IL1RL2: variants seen among roughly 807,000 people sequenced by gnomAD.
IL1RL2 encodes the protein interleukin 1 receptor like 2, also known as interleukin-1 receptor-like 2.
In IL1RL2, 68 loss-of-function variants were observed where a neutral mutation model predicts 66.8. The ratio of observed to expected loss-of-function variants is 1.02; its 90% CI spans 0.84 to 1.25. The LOEUF (loss-of-function observed/expected upper bound fraction) is 1.25. Among genes scored for constraint, IL1RL2 ranks in the 50% most tolerant of loss-of-function variants. The probability of loss-of-function intolerance (pLI) is 0.00; values close to 1 mark genes in which losing one functional copy is unlikely to be tolerated. For synonymous variants in IL1RL2, 305 were observed against 264.6 expected (o/e 1.15, Z -1.48); for missense variants, 729 against 709.3 (o/e 1.03, Z -0.32).
chr2:102,189,245 C>G lies in IL1RL2; in HGVS notation c.228C>G (p.Asp76Glu). Reference protein sequence around the residue: ...SKIIQSRIHQDETWILFLPME... With the variant: ...SKIIQSRIHQEETWILFLPME... ...TCATACAGTCTAGAATTCACCAGGA[C>G]GAGACTTGGATTTTGTTTCTCCCCA... The change falls in exon 3 of 12, where the codon GAC becomes GAG. Residue 76 changes from aspartate to glutamate, a missense_variant. Transcript: ENST00000264257. The G allele has an allele frequency of 6.2e-7, 1 of 1,613,988 alleles. No individual in the cohort carries two copies. Among genetic ancestry groups the G allele is most frequent in the Admixed American group, 1.7e-5 (1 of 60,036 alleles).
In IL1RL2 at chr2:102,228,702, T is replaced by C. The variant is rs529947476; in HGVS notation, c.1135+2661T>C. Among the ~76,000 whole-genome samples, 9 of 152,224 alleles carry C rather than the reference T, an allele frequency of 5.9e-5. No homozygotes were observed. In the South Asian group the frequency reaches 1.9e-3, roughly 32 times the overall value. On this transcript the variant is annotated intron_variant, in intron 9 of 11. Coordinates refer to ENST00000264257, the MANE Select transcript of IL1RL2 (RefSeq NM_003854.4). ...GATCAAAGGGAAACCAAGGGGACAA[T>C]GGGAAAACAAGTCGGGGTAGAGTTA...
At chr2:102,212,039 A>T in intron 5 of IL1RL2, 61 bp from the exon 6 acceptor site, 1 of 1,230,598 alleles carries the variant, frequency 8.1e-7, no homozygotes, top group Non-Finnish European at 1.2e-6. Flanking sequence ...ATTACATCAA[A>T]GTACTTGGGA....
intron 5 of IL1RL2, 48 bp from the exon 6 acceptor site, chr2:102,212,052 G>A: frequency 4.4e-6 from 6 of 1,362,510 alleles, no homozygotes; most frequent in Non-Finnish European, 6.3e-6. Flanking sequence ...ACTTGGGAAT[G>A]TATCATACGT....
chr2:102,196,372 G>T (rs1359269582), intron 4 of IL1RL2, among the ~76,000 whole-genome samples: 2 of 152,074 alleles, frequency 1.3e-5, no homozygotes, highest in Non-Finnish European at 2.9e-5. Flanking sequence ...GCTCAGATTT[G>T]GTGATCCAGG....
intron 4 of IL1RL2, among the ~76,000 whole-genome samples, chr2:102,195,806 T>A (rs1217509263): frequency 6.6e-6 from 1 of 150,932 alleles, no homozygotes; most frequent in East Asian, 2.0e-4. Flanking sequence ...CTCTGCCTCC[T>A]GGGTTCAAGC....
chr2:102,225,929 G>T lies in IL1RL2; in HGVS notation c.1023G>T (p.Gly341=). The T allele has an allele frequency of 6.2e-7, 1 of 1,603,206 alleles. No homozygotes were observed. The highest frequency in any genetic ancestry group is 1.1e-5 in the South Asian group (1 of 89,200). ...APDFRAYLIG[G]LIALVAVAVS... ...ATTTTCGAGCTTACTTGATAGGAGGGCTTATCGCCTTGGTGGCTGTGGCTG... is the reference window on the plus strand; with the variant it reads ...ATTTTCGAGCTTACTTGATAGGAGGTCTTATCGCCTTGGTGGCTGTGGCTG... Residue 341 remains glycine, a synonymous_variant, in exon 9 of 12, where the codon GGG becomes GGT. Transcript: ENST00000264257.
chr2:102,221,121 T>C (rs140024719), intron 8 of IL1RL2, among the ~76,000 whole-genome samples: 5 of 152,348 alleles, frequency 3.3e-5, no homozygotes, highest in African/African-American at 1.2e-4. Context: ...GGAAGGACCC[T>C]TGGGTTCATC....
At chr2:102,241,081 C>A (rs1191164216), downstream of IL1RL2, among the ~76,000 whole-genome samples, 3 of 152,352 alleles carry the variant, frequency 2.0e-5, no homozygotes, top group East Asian at 5.8e-4. Flanking sequence ...CCTACCTAGG[C>A]GGCCAGAATG....
chr2:102,204,603 T>C (rs557858619), intron 5 of IL1RL2, among the ~76,000 whole-genome samples: 2 of 152,212 alleles, frequency 1.3e-5, no homozygotes, highest in East Asian at 1.9e-4. Context: ...TTGACCTTTT[T>C]ATCATTACAT....
chr2:102,206,697 G>A (rs545319991), intron 5 of IL1RL2, among the ~76,000 whole-genome samples: 42 of 152,284 alleles, frequency 2.8e-4, no homozygotes, highest in Non-Finnish European at 4.7e-4. Flanking sequence ...GCACAGCGCT[G>A]GGTCTTGCCC....
Position 102,220,762 on chromosome 2 carries a change from T to C in IL1RL2, c.991+745T>C, listed in dbSNP as rs377422507. 1.8e-4 allele frequency among the ~76,000 whole-genome samples: 27 copies of C among 152,186 alleles called. No individual in the cohort carries two copies. In the East Asian group the frequency reaches 3.9e-3, roughly 22 times the overall value. On this transcript the variant is annotated intron_variant, in intron 8 of 11. Transcript: ENST00000264257. The stretch of plus-strand genomic sequence containing the variant: ...GAGAGAGGACTTGAATTTGCTGATG[T>C]CCTTTAATGATCAGTTAAACCTATG...
At chr2:102,223,648 G>A (rs766749829) in intron 8 of IL1RL2, among the ~76,000 whole-genome samples, 3 of 152,172 alleles carry the variant, frequency 2.0e-5, no homozygotes, top group Admixed American at 6.5e-5. Flanking sequence ...TGAAGAGCCC[G>A]AGAATTTTAG....
At chr2:102,197,109 G>T (rs1559531808) in intron 4 of IL1RL2, among the ~76,000 whole-genome samples, 1 of 152,268 alleles carries the variant, frequency 6.6e-6, no homozygotes, top group Middle Eastern at 3.4e-3. Context: ...TTTTCTAATT[G>T]TAAGGAGATG....
intron 4 of IL1RL2, among the ~76,000 whole-genome samples, chr2:102,199,268 T>C (rs1429746028): frequency 6.6e-6 from 1 of 152,190 alleles, no homozygotes; most frequent in Non-Finnish European, 1.5e-5. Context: ...TAAAGGATCT[T>C]TCTCAAAAGA....
At chr2:102,192,526 A>G (rs1687323280) in intron 4 of IL1RL2, among the ~76,000 whole-genome samples, 2 of 152,144 alleles carry the variant, frequency 1.3e-5, no homozygotes, top group Non-Finnish European at 2.9e-5. Flanking sequence ...ACCTTCCTCA[A>G]CTGTGGCTAC....
At chr2:102,241,219 T>G (rs900144439), downstream of IL1RL2, among the ~76,000 whole-genome samples, 1 of 152,232 alleles carries the variant, frequency 6.6e-6, no homozygotes, top group East Asian at 1.9e-4. Flanking sequence ...CATTTTCGAA[T>G]GTGTTCCTAA....
At chr2:102,194,526 T>G (rs1284275536) in intron 4 of IL1RL2, among the ~76,000 whole-genome samples, 1 of 151,336 alleles carries the variant, frequency 6.6e-6, no homozygotes, top group African/African-American at 2.4e-5. Flanking sequence ...AATTAACAGT[T>G]CCAGCAGCAG....
At chr2:102,187,984 G>A (rs1021040433) in intron 2 of IL1RL2, 59 bp downstream of exon 2, 2 of 1,516,804 alleles carry the variant, frequency 1.3e-6, no homozygotes, top group Non-Finnish European at 9.2e-7. Flanking sequence ...CTCCTGGCCT[G>A]TCATTGGGAG....
chr2:102,235,374 GC>G (rs1674792670), intron 11 of IL1RL2, 97 bp downstream of exon 11: 2 of 1,523,616 alleles, frequency 1.3e-6, no homozygotes, highest in Non-Finnish European at 1.8e-6. Context: ...TTTCATCGGG[GC>G]CGTCTGCTCT....
Sources: gnomAD v4.1 joint callset for allele counts (sites outside exome capture counted in the v4.1 genomes callset) on GRCh38, gnomAD v4.1.1 for gene constraint, MANE v1.5 for transcripts, NCBI Gene and HGNC (gene_info 2026-07-23, HGNC 2026-07-21) for gene names.